The following HOMER2 variants were observed in gnomAD, a reference collection of about 807,000 sequenced individuals.
HOMER2 encodes the protein homer scaffold protein 2, also known as homer protein homolog 2.
In HOMER2, 27 loss-of-function variants were observed where a neutral mutation model predicts 47.0. The ratio of observed to expected loss-of-function variants is 0.57; its 90% CI spans 0.42 to 0.79. HOMER2 has a LOEUF of 0.79. HOMER2 is among the 30% of genes least tolerant of loss of function. HOMER2 has a pLI of 0.00. For missense variants in HOMER2, 443 were observed against 435.0 expected (o/e 1.02, Z -0.16); for synonymous variants, 161 against 163.8 (o/e 0.98, Z 0.13).
At chr15:82,872,716 G>C (rs186967661) in intron 3 of HOMER2, among the ~76,000 whole-genome samples, 109 of 149,340 alleles carry the variant, frequency 7.3e-4, no homozygotes, top group Non-Finnish European at 2.5e-4. Flanking sequence ...TCCTGTTGTC[G>C]GGCAGACGAC....
intron 4 of HOMER2, among the ~76,000 whole-genome samples, chr15:82,862,090 G>C (rs2051813186): frequency 6.7e-6 from 1 of 149,502 alleles, no homozygotes; most frequent in African/African-American, 2.5e-5. Flanking sequence ...TTTTAATAGA[G>C]ATGGGGTTTC....
chr15:82,934,187 C>T (rs1385119190), intron 1 of HOMER2, among the ~76,000 whole-genome samples: 1 of 152,146 alleles, frequency 6.6e-6, no homozygotes, highest in Non-Finnish European at 1.5e-5. Flanking sequence ...CCCCATCATG[C>T]AGTCCCTCTG....
chr15:82,940,862 G>A (rs964077005), intron 1 of HOMER2, among the ~76,000 whole-genome samples: 4 of 151,354 alleles, frequency 2.6e-5, no homozygotes, highest in African/African-American at 9.7e-5. Context: ...GCACTGGAGT[G>A]TACTCCCTGA....
At chr15:82,970,925 T>C (rs1205715563) in intron 1 of HOMER2, among the ~76,000 whole-genome samples, 1 of 152,264 alleles carries the variant, frequency 6.6e-6, no homozygotes, top group Non-Finnish European at 1.5e-5. Context: ...TGGCAGATAT[T>C]TGTTAATCAC....
chr15:82,916,864 C>T (rs777722596), intron 1 of HOMER2, among the ~76,000 whole-genome samples: 2 of 151,590 alleles, frequency 1.3e-5, no homozygotes, highest in Middle Eastern at 3.4e-3. Context: ...TGCAATGGCG[C>T]GATCTCGGGT....
chr15:82,913,563 A>G lies in HOMER2; in HGVS notation c.6-20722T>C, dbSNP rs1037135593. Among the ~76,000 whole-genome samples, 2 of 152,180 alleles carry G rather than the reference A, an allele frequency of 1.3e-5. No individual in the cohort carries two copies. The highest frequency in any genetic ancestry group is 4.8e-5 in the African/African-American group (2 of 41,436). On this transcript the variant is annotated intron_variant, in intron 1 of 8. Transcript: ENST00000450735. This position sits in a 1 kb window ranked among gnomAD's most constrained non-coding sequence, Gnocchi z 4.1. Reference sequence around the variant, plus strand: ...CTTGCTTCTGTAATTTCATCCCAACAGCAGCACTCTATCAGGCCATCTTCC... The same window carrying G: ...CTTGCTTCTGTAATTTCATCCCAACGGCAGCACTCTATCAGGCCATCTTCC...
intron 1 of HOMER2, among the ~76,000 whole-genome samples, chr15:82,975,414 T>C (rs1387657546): frequency 2.0e-5 from 3 of 152,220 alleles, no homozygotes; most frequent in Non-Finnish European, 2.9e-5. Flanking sequence ...CACTCTCATG[T>C]TTGCTGCAGC....
downstream of HOMER2, among the ~76,000 whole-genome samples, chr15:82,848,279 A>C (rs2051282816): frequency 6.6e-6 from 1 of 152,184 alleles, no homozygotes; most frequent in Admixed American, 6.5e-5. Flanking sequence ...GAGAAAGTCT[A>C]ACCACGTCCA....
intron 1 of HOMER2, among the ~76,000 whole-genome samples, chr15:82,940,526 G>A (rs1438181903): frequency 2.0e-5 from 3 of 152,082 alleles, no homozygotes; most frequent in African/African-American, 4.8e-5. Flanking sequence ...GGCGGATCAC[G>A]AGGTCAGGAG....
At chr15:82,967,939 G>A (rs2151255592) in intron 1 of HOMER2, among the ~76,000 whole-genome samples, 1 of 152,016 alleles carries the variant, frequency 6.6e-6, no homozygotes, top group African/African-American at 2.4e-5. Flanking sequence ...TCACTGCACA[G>A]GCAGGCCATT....
intron 1 of HOMER2, among the ~76,000 whole-genome samples, chr15:82,916,655 G>A (rs925247714): frequency 6.6e-6 from 1 of 152,084 alleles, no homozygotes; most frequent in African/African-American, 2.4e-5. Flanking sequence ...GTCGGCAGAG[G>A]GGGAGAGGTT....
chr15:82,928,396 C>A (rs936621862), intron 1 of HOMER2, among the ~76,000 whole-genome samples: 4 of 152,164 alleles, frequency 2.6e-5, no homozygotes, highest in Non-Finnish European at 5.9e-5. Flanking sequence ...ATGGACTTTA[C>A]CTGTTACCAA....
intron 1 of HOMER2, among the ~76,000 whole-genome samples, chr15:82,920,925 C>G (rs1322426045): frequency 6.6e-6 from 1 of 151,444 alleles, no homozygotes; most frequent in Non-Finnish European, 1.5e-5. Flanking sequence ...TCAAGCAATC[C>G]TCTTACTTCA....
downstream of HOMER2, chr15:82,835,315 T>TG (rs1247930844): frequency 2.0e-5 from 3 of 152,134 alleles, no homozygotes; most frequent in East Asian, 3.9e-4. Context: ...TTAGTAGAGA[T>TG]GGGGTTTCAC....
At position 82,980,449 on chromosome 15, in the gene HOMER2, C is replaced by T. The variant is rs571458159; in HGVS notation, n.82+5338G>A. Reference sequence around the variant, plus strand: ...CCTAATGAAACTCCAATAAAGGCTCCGGCCTAACGCTTTCCCCTTGCTCCT... The same window carrying T: ...CCTAATGAAACTCCAATAAAGGCTCTGGCCTAACGCTTTCCCCTTGCTCCT... On this transcript the variant is annotated intron_variant and non_coding_transcript_variant, in intron 1 of 1. Coordinates refer to the HOMER2 transcript ENST00000500334. Among the ~76,000 whole-genome samples the T allele has an allele frequency of 1.1e-4, 17 of 152,274 alleles. No individual in the cohort carries two copies. The East Asian group carries it at 2.9e-3, about 26-fold the overall frequency.
rs762967810 is a variant in HOMER2 at position 82,849,673 on chromosome 15, C to G, written c.*42G>C. 2 of 1,571,794 alleles carry G rather than the reference C, an allele frequency of 1.3e-6. No homozygotes were observed. The highest frequency in any genetic ancestry group is 1.7e-6 in the Non-Finnish European group (2 of 1,153,394). On this transcript the variant is annotated 3_prime_UTR_variant, in exon 9 of 9. Transcript: ENST00000450735. Reference sequence around the variant, plus strand: ...TCCTAGAGCTATCTGGTCTCGCACACACGCTTGGGACTCACGGGCGGGGCC... The same window carrying G: ...TCCTAGAGCTATCTGGTCTCGCACAGACGCTTGGGACTCACGGGCGGGGCC...
rs2051893263 is a variant in HOMER2, at chr15:82,864,324, A to G, written c.295-65T>C. The G allele has an allele frequency of 1.1e-5, 12 of 1,070,624 alleles. No homozygotes were observed. The South Asian group carries it at 1.7e-4, about 15-fold the overall frequency. The allele number at this position is 1,070,624 out of a possible 1,614,324, so 66.3% of individuals were successfully genotyped here. A position where few individuals can be genotyped will look rare whatever the true frequency, so the allele number is the denominator to read the frequency against. ...CACTCATGGCTGGTATTCAGAACCC[A>G]CCTTTATTTATTTTGCATCCATTTT... is the stretch of plus-strand genomic sequence containing the variant. On this transcript the variant is annotated intron_variant, in intron 3 of 8. Coordinates refer to ENST00000450735, the MANE Select transcript of HOMER2 (RefSeq NM_004839.4).
In HOMER2 at chr15:82,892,859, G is replaced by C. The variant is rs775190853; in HGVS notation, c.6-18C>G. The C allele has an allele frequency of 8.0e-6, 12 of 1,504,414 alleles. No individual in the cohort carries two copies. The highest frequency in any genetic ancestry group is 1.4e-5 in the South Asian group (1 of 72,648). The allele number at this position is 1,504,414 out of a possible 1,614,324, so 93.2% of individuals were successfully genotyped here. On this transcript the variant is annotated intron_variant, in intron 1 of 8. Transcript: ENST00000450735. ...GCTGTTCTCTGCAATAAGAGAGTGG[G>C]CGTGTGAGTTGAGAGAACATGACTT...
At chr15:82,952,182 G>A (rs2054519793) in intron 1 of HOMER2, 2 of 397,696 alleles carry the variant, frequency 5.0e-6, no homozygotes, top group Non-Finnish European at 6.8e-6. Context: ...GACTCACACA[G>A]GCCCTGGAGT....
Sources: allele counts gnomAD v4.1 joint callset (sites outside exome capture counted in the v4.1 genomes callset), GRCh38; gene constraint gnomAD v4.1.1; non-coding constraint Gnocchi (gnomAD v3.1); transcripts MANE v1.5; gene names NCBI Gene and HGNC (gene_info 2026-07-23, HGNC 2026-07-21).